CLVS1: variants seen among roughly 807,000 people sequenced by gnomAD.
CLVS1 encodes clavesin-1.
In CLVS1, 10 loss-of-function variants were observed where a neutral mutation model predicts 33.1. The ratio of observed to expected loss-of-function variants is 0.30; its 90% confidence interval spans 0.19 to 0.51. The LOEUF is 0.51. Ranked by LOEUF, CLVS1 falls within the 20% of genes least tolerant of loss-of-function variation. The pLI, the probability that CLVS1 is intolerant of heterozygous loss-of-function variation, is 0.97. For missense variants in CLVS1, 343 were observed against 433.4 expected (o/e 0.79, Z 1.85); for synonymous variants, 163 against 166.1 (o/e 0.98, Z 0.14).
intron 2 of CLVS1, chr8:61,264,522 A>G (rs1809268386): frequency 6.6e-6 from 1 of 151,142 alleles, no homozygotes; most frequent in African/African-American, 2.4e-5. Context: ...ATCGTAAATC[A>G]ATACATCAAG....
chr8:61,422,877 G>GAGTT (rs2129604698), intron 3 of CLVS1, among the ~76,000 whole-genome samples: 2 of 152,282 alleles, frequency 1.3e-5, no homozygotes, highest in Non-Finnish European at 2.9e-5. Flanking sequence ...CTACCCTCTT[G>GAGTT]AGTTAGTGAA....
rs1022278463 is a variant in CLVS1, at chr8:61,240,751, A to G, written c.-151-58926A>G. ...TTTTATTATTATTTTTTTCACCTGT[A>G]TGCTCCCACCCCCATCTTACTGCAC... is the stretch of plus-strand genomic sequence containing the variant. On this transcript the variant is annotated intron_variant, in intron 2 of 2. Transcript: ENST00000522621. Among the ~76,000 whole-genome samples, 3 of 151,956 alleles carry G rather than the reference A, an allele frequency of 2.0e-5. No individual in the cohort carries two copies. The South Asian group carries it at 6.2e-4, about 31-fold the overall frequency.
upstream of CLVS1, among the ~76,000 whole-genome samples, chr8:61,055,376 C>T (rs563430890): frequency 1.4e-4 from 22 of 152,278 alleles, no homozygotes; most frequent in East Asian, 1.4e-3. Context: ...TCTGGCAGGC[C>T]GTGGTTGTTT....
chr8:61,453,975 T>C (rs59677552), intron 3 of CLVS1, among the ~76,000 whole-genome samples, 166 bp from the exon 4 acceptor site: 2,901 of 152,254 alleles, frequency 0.019, 86 homozygotes, highest in African/African-American at 0.065. Flanking sequence ...AATAAAGACA[T>C]CCTTAACAAT....
intron 2 of CLVS1, among the ~76,000 whole-genome samples, chr8:61,140,168 C>T (rs920739290): frequency 6.6e-6 from 1 of 152,196 alleles, no homozygotes; most frequent in African/African-American, 2.4e-5. Flanking sequence ...CCTTCAGACC[C>T]ATTAAATAAT....
chr8:61,293,012 C>A (rs1378186789), intron 1 of CLVS1, among the ~76,000 whole-genome samples: 1 of 152,120 alleles, frequency 6.6e-6, no homozygotes, highest in Non-Finnish European at 1.5e-5. Flanking sequence ...GGAGCTCATT[C>A]CAATCTACTT....
At chr8:61,396,187 T>C (rs1185319747) in intron 3 of CLVS1, among the ~76,000 whole-genome samples, 1 of 152,194 alleles carries the variant, frequency 6.6e-6, no homozygotes, top group East Asian at 1.9e-4. Flanking sequence ...CAAAACAGTT[T>C]TCCTAACTTT....
chr8:61,057,598 T>G (rs1339779832), intron 1 of CLVS1, among the ~76,000 whole-genome samples: 1 of 152,016 alleles, frequency 6.6e-6, no homozygotes, highest in Non-Finnish European at 1.5e-5. Context: ...ATTTTGTACT[T>G]AGTTCTGGTA....
intron 3 of CLVS1, among the ~76,000 whole-genome samples, chr8:61,413,389 G>A (rs1815309092): frequency 1.3e-5 from 2 of 152,174 alleles, no homozygotes; most frequent in South Asian, 4.1e-4. Flanking sequence ...GGCCAAAGAA[G>A]AGACCCAGAG....
At chr8:61,387,343 T>A (rs1814123840) in intron 3 of CLVS1, among the ~76,000 whole-genome samples, 1 of 152,006 alleles carries the variant, frequency 6.6e-6, no homozygotes, top group Admixed American at 6.6e-5. Context: ...GCCAAGATCA[T>A]GCCACTGCAC....
At chr8:61,132,213 T>C (rs1806113432) in intron 2 of CLVS1, among the ~76,000 whole-genome samples, 1 of 152,242 alleles carries the variant, frequency 6.6e-6, no homozygotes. Flanking sequence ...AGCTCAACCC[T>C]AAACTGACCG....
intron 3 of CLVS1, among the ~76,000 whole-genome samples, chr8:61,394,303 G>C (rs574572053): frequency 1.3e-5 from 2 of 152,350 alleles, no homozygotes; most frequent in Admixed American, 1.3e-4. Flanking sequence ...GAGAGCACCA[G>C]TTGTGGTAGT....
intron 2 of CLVS1, among the ~76,000 whole-genome samples, chr8:61,340,082 GAAAGAAAGAA>G (rs1385013812): frequency 1.3e-5 from 2 of 148,170 alleles, no homozygotes; most frequent in Non-Finnish European, 3.1e-5. Flanking sequence ...AAAAAGAAAG[GAAAGAAAGAA>G]AAAGAAAGAA....
intron 2 of CLVS1, among the ~76,000 whole-genome samples, chr8:61,349,404 G>A (rs563686105): frequency 1.3e-4 from 20 of 152,160 alleles, no homozygotes; most frequent in Non-Finnish European, 2.4e-4. Flanking sequence ...ACAGAGTTGG[G>A]CCACTGATTG....
the CLVS1 span, among the ~76,000 whole-genome samples, chr8:60,988,826 T>A: frequency 6.6e-6 from 1 of 152,246 alleles, no homozygotes; most frequent in South Asian, 2.1e-4. Flanking sequence ...TGTAAATGTT[T>A]TTTCCAGGAG....
chr8:61,392,154 CT>C (rs1206752956), intron 3 of CLVS1, among the ~76,000 whole-genome samples: 3 of 152,098 alleles, frequency 2.0e-5, no homozygotes, highest in Non-Finnish European at 4.4e-5. Flanking sequence ...GATGGCGAGA[CT>C]CCATCTTTAC....
Position 61,112,209 on chromosome 8 carries a change from C to CACACACACACACAT in CLVS1, c.-242-19551_-242-19550insACATACACACACAC, listed in dbSNP as rs141923511. 1.5e-3 allele frequency among the ~76,000 whole-genome samples: 225 copies of CACACACACACACAT among 145,754 alleles called. 8 individuals are homozygous for CACACACACACACAT. The highest frequency in any genetic ancestry group is 4.6e-3 in the African/African-American group (179 of 38,940). ...ACACACACACACACACACACACACA[C>CACACACACACACAT]ACACACACACGCACAGAGACAGAGA... is the stretch of plus-strand genomic sequence containing the variant. On this transcript the variant is annotated intron_variant, in intron 1 of 2. Coordinates refer to the CLVS1 transcript ENST00000522621.
intron 2 of CLVS1, among the ~76,000 whole-genome samples, chr8:61,208,735 G>A (rs763370569): frequency 6.6e-6 from 1 of 152,026 alleles, no homozygotes; most frequent in Non-Finnish European, 1.5e-5. Flanking sequence ...CTACAGGCAC[G>A]CGCCACCACG....
chr8:61,163,413 C>A (rs1002596720), intron 2 of CLVS1, among the ~76,000 whole-genome samples: 1 of 152,156 alleles, frequency 6.6e-6, no homozygotes, highest in African/African-American at 2.4e-5. Flanking sequence ...CCATTGGGGA[C>A]CCTAATTGTC....
Sources: allele counts gnomAD v4.1 joint callset (sites outside exome capture counted in the v4.1 genomes callset), GRCh38; gene constraint gnomAD v4.1.1; transcripts MANE v1.5; gene names NCBI Gene and HGNC (gene_info 2026-07-23, HGNC 2026-07-21).